The following TOX variants were observed in gnomAD, a reference collection of about 807,000 sequenced individuals.
The protein encoded by TOX is thymocyte selection-associated high mobility group box protein TOX.
In TOX, 11 loss-of-function variants were observed where a neutral mutation model predicts 53.7. The ratio of observed to expected loss-of-function variants is 0.20; its 90% confidence interval spans 0.13 to 0.34. The LOEUF is 0.34. TOX is among the 10% of genes least tolerant of loss of function. The pLI is 1.00. For missense variants in TOX, 570 were observed against 664.6 expected, an observed-to-expected ratio of 0.86 and a Z score of 1.56; for synonymous variants, 225 against 245.3, an observed-to-expected ratio of 0.92 and a Z score of 0.77.
At chr8:58,817,116 C>A (rs756469284) in intron 6 of TOX, among the ~76,000 whole-genome samples, 6 of 151,990 alleles carry the variant, frequency 3.9e-5, no homozygotes, top group Non-Finnish European at 8.8e-5. Flanking sequence ...ACCATGGAAA[C>A]CTGGGGTCCT....
chr8:59,003,467 G>A (rs1484952228), intron 1 of TOX, among the ~76,000 whole-genome samples: 1 of 152,140 alleles, frequency 6.6e-6, no homozygotes, highest in Admixed American at 6.5e-5. Context: ...GGAAGAGGGC[G>A]CTACAGTTTT....
At chr8:58,960,082 GT>G (rs1392648278) in intron 1 of TOX, 74 bp from the exon 2 acceptor site, 15 of 1,529,874 alleles carry the variant, frequency 9.8e-6, no homozygotes, top group East Asian at 6.8e-5. Context: ...GTTTTGTTTT[GT>G]TTTTTAACCA....
intron 3 of TOX, among the ~76,000 whole-genome samples, chr8:58,912,597 T>A (rs1426606483): frequency 6.6e-6 from 1 of 152,182 alleles, no homozygotes; most frequent in African/African-American, 2.4e-5. Flanking sequence ...ATTGAAAAGG[T>A]CTGGGATAGG....
intron 3 of TOX, among the ~76,000 whole-genome samples, chr8:58,859,656 G>C (rs569643376): frequency 6.6e-6 from 1 of 152,254 alleles, no homozygotes; most frequent in South Asian, 2.1e-4. Flanking sequence ...TCAGAAACCA[G>C]TGCTCACACT....
At chr8:58,856,696 T>C (rs1810922371) in intron 3 of TOX, among the ~76,000 whole-genome samples, 1 of 151,860 alleles carries the variant, frequency 6.6e-6, no homozygotes, top group African/African-American at 2.4e-5. Context: ...AGCGGAATCC[T>C]CGTGTGGTGC....
intron 3 of TOX, among the ~76,000 whole-genome samples, chr8:58,864,605 C>T (rs1391341027): frequency 6.6e-6 from 1 of 152,176 alleles, no homozygotes; most frequent in Non-Finnish European, 1.5e-5. Flanking sequence ...AATGTTGCCA[C>T]ATAAATTATG....
chr8:58,889,232 A>AAG (rs1491391141), intron 3 of TOX, among the ~76,000 whole-genome samples: 79 of 123,104 alleles, frequency 6.4e-4, no homozygotes, highest in African/African-American at 1.6e-3. Flanking sequence ...AAAAAAAAAA[A>AAG]CAAAAAACCC....
chr8:58,842,911 T>A (rs1340890721), intron 4 of TOX, among the ~76,000 whole-genome samples: 1 of 152,220 alleles, frequency 6.6e-6, no homozygotes, highest in African/African-American at 2.4e-5. Context: ...CTGGATGCAA[T>A]GTTGCTCAAA....
intron 1 of TOX, among the ~76,000 whole-genome samples, chr8:59,112,888 A>G (rs892508487): frequency 2.0e-5 from 3 of 152,202 alleles, no homozygotes; most frequent in African/African-American, 7.2e-5. Flanking sequence ...AAGTGATCAT[A>G]TTTTTACAAT....
At chr8:58,973,384 A>G (rs1813034885) in intron 1 of TOX, among the ~76,000 whole-genome samples, 1 of 152,238 alleles carries the variant, frequency 6.6e-6, no homozygotes. Context: ...TATAAACAGT[A>G]CTTTTAAAAA....
At chr8:58,819,817 T>C (rs1484153597) in intron 6 of TOX, among the ~76,000 whole-genome samples, 2 of 152,066 alleles carry the variant, frequency 1.3e-5, no homozygotes, top group Non-Finnish European at 2.9e-5. Flanking sequence ...AATATAAGAG[T>C]TGCTGAACCA....
At chr8:58,895,056 C>T (rs534542846) in intron 3 of TOX, among the ~76,000 whole-genome samples, 1 of 152,074 alleles carries the variant, frequency 6.6e-6, no homozygotes, top group East Asian at 1.9e-4. Context: ...GGCATGGTGG[C>T]AGGTACCCGT....
At chr8:59,110,100 C>T (rs1804986450) in intron 1 of TOX, among the ~76,000 whole-genome samples, 1 of 152,076 alleles carries the variant, frequency 6.6e-6, no homozygotes, top group African/African-American at 2.4e-5. Flanking sequence ...GAAAGATTAT[C>T]CCATTAGCCT....
rs924863284 is a variant in TOX at position 58,895,195 on chromosome 8, A to AATAG, written c.412-43394_412-43391dup. On this transcript the variant is annotated intron_variant, in intron 3 of 8. Coordinates refer to ENST00000361421, the MANE Select transcript of TOX (RefSeq NM_014729.3). Reference sequence around the variant, plus strand: ...ATAGTGAGACTCTGTCTCCAAAATAAATAGATAGATAGATAGATAGAGTTT... The same window carrying AATAG: ...ATAGTGAGACTCTGTCTCCAAAATAAATAGATAGATAGATAGATAGATAGAGTTT... Among the ~76,000 whole-genome samples the AATAG allele has an allele frequency of 8.5e-5, 13 of 152,258 alleles. No homozygotes were observed. In the South Asian group the frequency reaches 1.0e-3, roughly 12 times the overall value.
At chr8:58,816,681 C>T (rs1810183981) in intron 6 of TOX, among the ~76,000 whole-genome samples, 1 of 152,144 alleles carries the variant, frequency 6.6e-6, no homozygotes, top group Admixed American at 6.6e-5. Context: ...CTTGAGGACG[C>T]ATATATGCTT....
At chr8:58,990,710 T>C (rs1281094622) in intron 1 of TOX, among the ~76,000 whole-genome samples, 1 of 152,164 alleles carries the variant, frequency 6.6e-6, no homozygotes, top group Non-Finnish European at 1.5e-5. Flanking sequence ...TTTGCATGCA[T>C]GTGCAACCCA....
intron 1 of TOX, among the ~76,000 whole-genome samples, chr8:58,979,081 C>A (rs535756888): frequency 2.0e-5 from 3 of 152,096 alleles, no homozygotes; most frequent in Non-Finnish European, 2.9e-5. Flanking sequence ...AATGATATGC[C>A]TATTTAATGC....
At chr8:58,979,962 C>A (rs1813171337) in intron 1 of TOX, among the ~76,000 whole-genome samples, 1 of 152,206 alleles carries the variant, frequency 6.6e-6, no homozygotes, top group Non-Finnish European at 1.5e-5. Flanking sequence ...TTTACATTAA[C>A]TTTATCATTT....
intron 3 of TOX, among the ~76,000 whole-genome samples, chr8:58,903,324 C>A (rs1468307880): frequency 6.6e-6 from 1 of 152,192 alleles, no homozygotes; most frequent in African/African-American, 2.4e-5. Flanking sequence ...GGGCCTTGAT[C>A]ATATGCCATC....
Sources: gnomAD v4.1 joint callset for allele counts (sites outside exome capture counted in the v4.1 genomes callset) on GRCh38, gnomAD v4.1.1 for gene constraint, MANE v1.5 for transcripts, NCBI Gene and HGNC (gene_info 2026-07-23, HGNC 2026-07-21) for gene names.